Variants in GAP43 observed in about 807,000 individuals in gnomAD.
GAP43 encodes the protein growth associated protein 43.
GAP43 carries 6 observed loss-of-function variants against 18.6 expected under a neutral mutation model. That is an observed-to-expected ratio of 0.32 (90% CI 0.18 to 0.64). GAP43 has a LOEUF of 0.64. Ranked by LOEUF, GAP43 falls within the 30% of genes least tolerant of loss-of-function variation. The pLI, the probability that GAP43 is intolerant of heterozygous loss-of-function variation, is 0.78. For synonymous variants in GAP43, 115 were observed against 111.4 expected (o/e 1.03, Z -0.20); for missense variants, 292 against 295.5 (o/e 0.99, Z 0.09).
chr3:115,645,762 A>C (rs1030327895), intron 1 of GAP43, among the ~76,000 whole-genome samples: 1 of 152,048 alleles, frequency 6.6e-6, no homozygotes, highest in African/African-American at 2.4e-5. Context: ...AAATGAAATA[A>C]CTATATTTGT....
At chr3:115,641,929 T>C (rs1214531984) in intron 1 of GAP43, among the ~76,000 whole-genome samples, 1 of 152,090 alleles carries the variant, frequency 6.6e-6, no homozygotes, top group African/African-American at 2.4e-5. Flanking sequence ...GTCCGCTCCC[T>C]CCTGTCTCCT....
chr3:115,653,144 A>T (rs575405622), intron 1 of GAP43, among the ~76,000 whole-genome samples: 1 of 152,132 alleles, frequency 6.6e-6, no homozygotes, highest in Admixed American at 6.5e-5. Flanking sequence ...TTTTGCCCAA[A>T]ATATGAGGTA....
At chr3:115,709,460 G>A (rs2107374253) in intron 2 of GAP43, among the ~76,000 whole-genome samples, 1 of 152,246 alleles carries the variant, frequency 6.6e-6, no homozygotes, top group Non-Finnish European at 1.5e-5. Flanking sequence ...GGGATCCTGT[G>A]GAGTGAAACG....
chr3:115,675,911 T>C (rs1708877292), intron 1 of GAP43, 102 bp from the exon 2 acceptor site: 1 of 1,494,224 alleles, frequency 6.7e-7, no homozygotes, highest in African/African-American at 1.4e-5. Flanking sequence ...AAACAGTGCC[T>C]GGCACAAAAT....
chr3:115,707,532 C>T (rs543667394), intron 2 of GAP43, among the ~76,000 whole-genome samples: 5 of 152,236 alleles, frequency 3.3e-5, no homozygotes, highest in South Asian at 2.1e-4. Context: ...CTCAAGTGAT[C>T]CTCCTACCTC....
At position 115,663,463 on chromosome 3, in the gene GAP43, C is replaced by A. The variant is rs1163525361; in HGVS notation, c.31-12550C>A. On this transcript the variant is annotated intron_variant, in intron 1 of 2. Coordinates refer to ENST00000305124, the MANE Select transcript of GAP43 (RefSeq NM_002045.4). Reference sequence around the variant, plus strand: ...GTTCCTGACCTGATGCCCTCTCCCTCCCTCTTCTCCCAGTATTGCTTTCCC... The same window carrying A: ...GTTCCTGACCTGATGCCCTCTCCCTACCTCTTCTCCCAGTATTGCTTTCCC... The A allele has an allele frequency of 3.8e-6, 4 of 1,039,584 alleles. No individual in the cohort carries two copies. In the East Asian group the frequency reaches 2.6e-4, roughly 68 times the overall value. The allele number at this position is 1,039,584 out of a possible 1,614,324, so 64.4% of individuals were successfully genotyped here. A position where few individuals can be genotyped will look rare whatever the true frequency, so the allele number is the denominator to read the frequency against.
Position 115,676,421 on chromosome 3 carries a change from T to G in GAP43, c.439T>G (p.Ser147Ala), listed in dbSNP as rs770849200. 13 of 1,613,884 alleles carry G rather than the reference T, an allele frequency of 8.1e-6. No individual in the cohort carries two copies. The South Asian group carries it at 1.4e-4, about 18-fold the overall frequency. The change falls in exon 2 of 3, where the codon TCC (serine) becomes GCC (alanine). Residue 147 changes from serine (S) to alanine (A), a missense_variant. Coordinates refer to ENST00000305124, the MANE Select transcript of GAP43 (RefSeq NM_002045.4). ...TGAGACAGAAAGTGCCACTAAAGCTTCCACTGATAACTCGCCGTCCTCCAA... is the reference window on the plus strand; with the variant it reads ...TGAGACAGAAAGTGCCACTAAAGCTGCCACTGATAACTCGCCGTCCTCCAA... ...SAETESATKA[S>A]TDNSPSSKAE...
At chr3:115,690,822 C>A (rs955350716) in intron 2 of GAP43, among the ~76,000 whole-genome samples, 6 of 138,720 alleles carry the variant, frequency 4.3e-5, no homozygotes, top group Non-Finnish European at 9.1e-5. Flanking sequence ...GTGGTGCAAT[C>A]TCAGCTCACT....
At chr3:115,630,859 A>G (rs1708252440) in intron 1 of GAP43, among the ~76,000 whole-genome samples, 1 of 152,230 alleles carries the variant, frequency 6.6e-6, no homozygotes, top group African/African-American at 2.4e-5. Context: ...TCTAAAAAGT[A>G]CTTATAGACA....
At chr3:115,664,020 C>T (rs1337711421) in intron 1 of GAP43, 14 of 1,061,064 alleles carry the variant, frequency 1.3e-5, no homozygotes, top group Non-Finnish European at 1.9e-5. Context: ...AATTACTTAA[C>T]TAATGTCCTT....
At chr3:115,665,383 GA>G (rs1464646248) in intron 1 of GAP43, among the ~76,000 whole-genome samples, 1 of 152,070 alleles carries the variant, frequency 6.6e-6, no homozygotes, top group Non-Finnish European at 1.5e-5. Context: ...TTCTTAGATT[GA>G]ATTTTCTATT....
intron 1 of GAP43, among the ~76,000 whole-genome samples, chr3:115,625,438 G>A (rs1014553662): frequency 1.3e-5 from 2 of 152,054 alleles, no homozygotes; most frequent in South Asian, 2.1e-4. Context: ...ACAGGTGTCT[G>A]GGTTAAGAAC....
intron 1 of GAP43, chr3:115,663,522 A>G: frequency 8.1e-7 from 1 of 1,232,356 alleles, no homozygotes; most frequent in Non-Finnish European, 1.0e-6. Flanking sequence ...TGCTTTCAGA[A>G]TTAAAAGGGA....
chr3:115,708,302 A>G (rs533073194), intron 2 of GAP43, among the ~76,000 whole-genome samples: 31 of 152,330 alleles, frequency 2.0e-4, no homozygotes, highest in Admixed American at 1.5e-3. Flanking sequence ...TTGAAAATGT[A>G]GTTGAGCTGG....
intron 1 of GAP43, among the ~76,000 whole-genome samples, chr3:115,648,560 G>A (rs1055904224): frequency 6.6e-6 from 1 of 152,146 alleles, no homozygotes; most frequent in African/African-American, 2.4e-5. Context: ...GGAAGACAAT[G>A]ATTTTTATTT....
chr3:115,694,870 T>C (rs980390658), intron 2 of GAP43, among the ~76,000 whole-genome samples: 4 of 152,210 alleles, frequency 2.6e-5, no homozygotes, highest in Non-Finnish European at 4.4e-5. Flanking sequence ...GGGTTTCCAA[T>C]GGGAAAGATC....
At chr3:115,624,914 G>A (rs1169217806) in intron 1 of GAP43, among the ~76,000 whole-genome samples, 1 of 151,832 alleles carries the variant, frequency 6.6e-6, no homozygotes, top group Non-Finnish European at 1.5e-5. Context: ...GGGGTGTGGT[G>A]GGGGCAATCT....
chr3:115,688,848 C>CA (rs1709067268), intron 2 of GAP43, among the ~76,000 whole-genome samples: 1 of 152,204 alleles, frequency 6.6e-6, no homozygotes, highest in Admixed American at 6.5e-5. Context: ...CAATGCCCCA[C>CA]AAAAAACCTC....
chr3:115,636,939 A>C (rs1251088616), intron 1 of GAP43, among the ~76,000 whole-genome samples: 3 of 152,176 alleles, frequency 2.0e-5, no homozygotes, highest in African/African-American at 4.8e-5. Context: ...TGCCTCTTTT[A>C]CTTGGATATT....
Sources: gnomAD v4.1 joint callset for allele counts (sites outside exome capture counted in the v4.1 genomes callset) on GRCh38, gnomAD v4.1.1 for gene constraint, MANE v1.5 for transcripts, NCBI Gene and HGNC (gene_info 2026-07-23, HGNC 2026-07-21) for gene names.